The following ABTB2 variants were observed in gnomAD, a reference collection of about 807,000 sequenced individuals.
The protein encoded by ABTB2 is ankyrin repeat and BTB/POZ domain-containing protein 2.
ABTB2 carries 56 observed loss-of-function variants against 104.1 expected under a neutral mutation model. The observed-to-expected ratio is 0.54, with a 90% CI of 0.43 to 0.67. The LOEUF is 0.67. Ranked by LOEUF, ABTB2 falls within the 30% of genes least tolerant of loss-of-function variation. The pLI is 0.00. For missense variants in ABTB2, 1,279 were observed against 1,407.7 expected (o/e 0.91, Z 1.46); for synonymous variants, 606 against 608.2 (o/e 1.00, Z 0.05).
intron 3 of ABTB2, among the ~76,000 whole-genome samples, chr11:34,175,779 C>T (rs1447968408): frequency 6.6e-6 from 1 of 152,226 alleles, no homozygotes; most frequent in African/African-American, 2.4e-5. Flanking sequence ...AGAACCTCAC[C>T]TCACCCTATC....
chr11:34,236,505 C>T (rs998112068), intron 1 of ABTB2, among the ~76,000 whole-genome samples: 3 of 152,136 alleles, frequency 2.0e-5, no homozygotes, highest in Admixed American at 6.5e-5. Flanking sequence ...GCCAGTTTTC[C>T]CTAACAGCAG....
At chr11:34,186,925 C>T (rs1853108424) in intron 3 of ABTB2, among the ~76,000 whole-genome samples, 1 of 152,176 alleles carries the variant, frequency 6.6e-6, no homozygotes, top group African/African-American at 2.4e-5. Context: ...GCTCCGGGGT[C>T]TCACCCTCTC....
At chr11:34,170,142 C>G (rs1207500196) in intron 5 of ABTB2, among the ~76,000 whole-genome samples, 3 of 152,184 alleles carry the variant, frequency 2.0e-5, no homozygotes, top group Non-Finnish European at 4.4e-5. Flanking sequence ...TGCTCAGATT[C>G]TCCACCCAGC....
intron 1 of ABTB2, among the ~76,000 whole-genome samples, chr11:34,265,661 G>GAAA (rs1233763258): frequency 0.038 from 965 of 25,684 alleles, 53 homozygotes; most frequent in African/African-American, 0.079. Flanking sequence ...TCTGTCTCAA[G>GAAA]AAAAAAAAAA....
intron 16 of ABTB2, 62 bp from the exon 17 acceptor site, chr11:34,152,646 C>A (rs374923576): frequency 2.0e-6 from 3 of 1,472,022 alleles, no homozygotes; most frequent in East Asian, 4.6e-5. Context: ...CTCACCCTCA[C>A]CCCCAAATAC....
intron 1 of ABTB2, among the ~76,000 whole-genome samples, chr11:34,320,883 A>G (rs750095987): frequency 9.9e-5 from 15 of 152,164 alleles, no homozygotes; most frequent in Non-Finnish European, 2.1e-4. Flanking sequence ...ACTTTGCGCC[A>G]TTTAAAGATG....
In ABTB2 at chr11:34,152,266, T is replaced by C. The variant is rs192960438; in HGVS notation, c.*121A>G. 2.1e-4 allele frequency: 238 copies of C among 1,119,244 alleles called. 1 individual carries two copies. The African/African-American group carries it at 3.5e-3, about 17-fold the overall frequency. The allele number at this position is 1,119,244 out of a possible 1,614,324, so 69.3% of individuals were successfully genotyped here. ...GCTGCCCGGTGACAGGGGGGACATC[T>C]GGGGGAGGAGGAGGAAACAGCCCCG... On this transcript the variant is annotated 3_prime_UTR_variant, in exon 17 of 17. Transcript: ENST00000435224.
intron 3 of ABTB2, among the ~76,000 whole-genome samples, chr11:34,179,730 C>T (rs1488344685): frequency 1.3e-5 from 2 of 152,118 alleles, no homozygotes; most frequent in Admixed American, 6.6e-5. Context: ...ATTGTGAGAG[C>T]CCTTTTGCTT....
At position 34,167,939 on chromosome 11, in the gene ABTB2, C is replaced by A; in HGVS notation, c.1617G>T (p.Gln539His). 2 of 1,614,288 alleles carry A rather than the reference C, an allele frequency of 1.2e-6. No homozygotes were observed. Among genetic ancestry groups the A allele is most frequent in the Non-Finnish European group, 1.7e-6 (2 of 1,180,056 alleles). Reference sequence around the variant, plus strand: ...AGTTTGCCCCAGCATCAATCAACATCTGGACCATCGCTTCGTCCCCAGCAG... The same window carrying A: ...AGTTTGCCCCAGCATCAATCAACATATGGACCATCGCTTCGTCCCCAGCAG... The part of the protein sequence containing the change: ...ACAAGDEAMV[Q>H]MLIDAGANLD... The change falls in exon 6 of 17, where the codon CAG becomes CAT. Residue 539 changes from glutamine (Q) to histidine (H), a missense_variant. Coordinates refer to ENST00000435224, the MANE Select transcript of ABTB2 (RefSeq NM_145804.3).
intron 1 of ABTB2, among the ~76,000 whole-genome samples, chr11:34,304,715 G>A (rs1424243821): frequency 6.6e-6 from 1 of 151,902 alleles, no homozygotes; most frequent in Admixed American, 6.6e-5. Flanking sequence ...AGGGAGGGGA[G>A]GGAAAGAGAC....
intron 1 of ABTB2, among the ~76,000 whole-genome samples, chr11:34,324,204 C>T (rs1855040929): frequency 6.6e-6 from 1 of 152,144 alleles, no homozygotes; most frequent in Non-Finnish European, 1.5e-5. Context: ...AGCCACCATG[C>T]CCAGCTACTT....
chr11:34,252,362 T>C lies in ABTB2; in HGVS notation c.884-47672A>G, dbSNP rs1045859941. 2.6e-5 allele frequency among the ~76,000 whole-genome samples: 4 copies of C among 152,164 alleles called. No homozygotes were observed. On this transcript the variant is annotated intron_variant, in intron 1 of 16. Transcript: ENST00000435224. The surrounding 1 kb of genome is among the most constrained non-coding windows in gnomAD (Gnocchi z 5.5). ...CCCTGGCTTGGGGCTGACTTCCCTT[T>C]AGGAATAGGTGTCTTTGGAGCATCC...
At position 34,346,687 on chromosome 11, in the gene ABTB2, G is replaced by A. The variant is rs1434736911; in HGVS notation, c.883+10014C>T. Among the ~76,000 whole-genome samples the A allele has an allele frequency of 2.0e-5, 3 of 152,206 alleles. No homozygotes were observed. The East Asian group carries it at 5.8e-4, about 29-fold the overall frequency. On this transcript the variant is annotated intron_variant, in intron 1 of 16. Transcript: ENST00000435224. ...ACTATCAGAGACAGAAAAGCCCTTG[G>A]GGAATCTAGTCTGACCTCTCCACAC...
intron 16 of ABTB2, 124 bp from the exon 17 acceptor site, chr11:34,152,708 C>T (rs1474936173): frequency 1.8e-5 from 16 of 909,218 alleles, no homozygotes; most frequent in Middle Eastern, 3.2e-4. Context: ...CCAGGGTAGG[C>T]GTTCCCTGTC....
At chr11:34,239,993 C>T (rs1361037526) in intron 1 of ABTB2, among the ~76,000 whole-genome samples, 2 of 152,242 alleles carry the variant, frequency 1.3e-5, no homozygotes, top group African/African-American at 4.8e-5. Context: ...ACTTAATAGT[C>T]AGGTGGAGTT....
intron 1 of ABTB2, among the ~76,000 whole-genome samples, chr11:34,337,339 C>T (rs1855203555): frequency 6.6e-6 from 1 of 152,184 alleles, no homozygotes; most frequent in Admixed American, 6.5e-5. Context: ...ACGGGCACAG[C>T]TGACTGGCTG....
At chr11:34,195,078 G>C (rs28433394) in intron 3 of ABTB2, among the ~76,000 whole-genome samples, 4,511 of 99,606 alleles carry the variant, frequency 0.045, 651 homozygotes, top group African/African-American at 0.14. Flanking sequence ...TGCCCGGCGG[G>C]GGGGGGGAGT....
intron 1 of ABTB2, among the ~76,000 whole-genome samples, chr11:34,319,246 T>C (rs1172623808): frequency 6.6e-6 from 1 of 152,168 alleles, no homozygotes; most frequent in Admixed American, 6.5e-5. Context: ...CCCCACCGAC[T>C]TCAGATGGTC....
intron 1 of ABTB2, among the ~76,000 whole-genome samples, chr11:34,249,745 A>T (rs1249134201): frequency 6.6e-6 from 1 of 152,202 alleles, no homozygotes; most frequent in Non-Finnish European, 1.5e-5. Flanking sequence ...CCTGGGTTCA[A>T]GTGATCCTCC....
Sources: gnomAD v4.1 joint callset for allele counts (sites outside exome capture counted in the v4.1 genomes callset) on GRCh38, gnomAD v4.1.1 for gene constraint, Gnocchi (gnomAD v3.1) non-coding constraint, MANE v1.5 for transcripts, NCBI Gene and HGNC (gene_info 2026-07-23, HGNC 2026-07-21) for gene names.